XRN1: variants seen among roughly 807,000 people sequenced by gnomAD.
XRN1 encodes 5'-3' exoribonuclease 1, also known as strand-exchange protein 1 homolog.
Under a neutral mutation model 222.3 loss-of-function variants are expected in XRN1, and 67 were observed. The observed-to-expected ratio is 0.30, with a 90% CI of 0.25 to 0.37. XRN1 has a LOEUF of 0.37. XRN1 is among the 10% of genes least tolerant of loss of function. XRN1 has a pLI of 1.00. For synonymous variants in XRN1, 643 were observed against 652.4 expected (o/e 0.99, Z 0.22); for missense variants, 1,707 against 2,000.2 (o/e 0.85, Z 2.80).
At chr3:142,446,551 C>T (rs2070511106) in intron 1 of XRN1, among the ~76,000 whole-genome samples, 1 of 152,102 alleles carries the variant, frequency 6.6e-6, no homozygotes, top group African/African-American at 2.4e-5. Flanking sequence ...CCACAGACTA[C>T]AGAATAAAAA....
chr3:142,360,119 T>C (rs1024695804), intron 29 of XRN1, among the ~76,000 whole-genome samples, 188 bp from the exon 30 acceptor site: 3 of 152,166 alleles, frequency 2.0e-5, no homozygotes, highest in Non-Finnish European at 2.9e-5. Context: ...AGAATACCAG[T>C]GCCTTAGAGG....
chr3:142,349,195 C>T (rs1577265667), intron 32 of XRN1, among the ~76,000 whole-genome samples: 1 of 152,266 alleles, frequency 6.6e-6, no homozygotes, highest in East Asian at 1.9e-4. Context: ...CTCCAGTGAC[C>T]TACCTGCGTT....
At chr3:142,355,216 A>G (rs2066429414) in intron 32 of XRN1, 185 bp downstream of exon 32, 1 of 339,282 alleles carries the variant, frequency 2.9e-6, no homozygotes, top group Non-Finnish European at 5.3e-6. Context: ...CTGTACATGT[A>G]TCTCCTGAAC....
At chr3:142,408,775 G>A (rs1431695210) in intron 15 of XRN1, among the ~76,000 whole-genome samples, 1 of 152,190 alleles carries the variant, frequency 6.6e-6, no homozygotes. Context: ...CTGCCAGATA[G>A]ATATGAAAAG....
In XRN1 at chr3:142,307,803, A is replaced by G. The variant is rs2064998920; in HGVS notation, c.*3708T>C. 6.6e-6 allele frequency: 1 copy of G among 152,226 alleles called. No individual in the cohort carries two copies. 9.4% of individuals were successfully genotyped at this position (152,226 alleles called of 1,614,324 possible). A position where few individuals can be genotyped will look rare whatever the true frequency, so the allele number is the denominator to read the frequency against. Reference sequence around the variant, plus strand: ...GATGGTTTCACTGACAAAGCTTACAAAATGTATATACTGAGCACTGCCAGT... The same window carrying G: ...GATGGTTTCACTGACAAAGCTTACAGAATGTATATACTGAGCACTGCCAGT... On this transcript the variant is annotated 3_prime_UTR_variant, in exon 41 of 41. Coordinates refer to ENST00000392981, the MANE Select transcript of XRN1 (RefSeq NM_001282857.2).
chr3:142,414,453 G>T, intron 13 of XRN1, 162 bp from the exon 14 acceptor site: 1 of 496,158 alleles, frequency 2.0e-6, no homozygotes, highest in Non-Finnish European at 3.1e-6. Flanking sequence ...AGCAGTGTTG[G>T]AAAATTTAGG....
chr3:142,390,977 CACA>C (rs1001543287), intron 20 of XRN1, among the ~76,000 whole-genome samples: 2 of 152,170 alleles, frequency 1.3e-5, no homozygotes, highest in Admixed American at 6.5e-5. Context: ...TCAGCACACA[CACA>C]ACATTTATTG....
chr3:142,385,863 G>A (rs62276413), intron 20 of XRN1, among the ~76,000 whole-genome samples: 11,285 of 151,708 alleles, frequency 0.074, 614 homozygotes, highest in Middle Eastern at 0.19. Flanking sequence ...TAGTATGCCC[G>A]TATTACTACT....
intron 32 of XRN1, among the ~76,000 whole-genome samples, chr3:142,350,652 G>A (rs2066278376): frequency 6.6e-6 from 1 of 152,010 alleles, no homozygotes. Flanking sequence ...GGTGAGAGTT[G>A]GTATGAATTT....
chr3:142,442,373 T>C (rs553112444), intron 1 of XRN1, among the ~76,000 whole-genome samples: 27 of 152,188 alleles, frequency 1.8e-4, no homozygotes, highest in African/African-American at 6.5e-4. Context: ...GGCAGGACCC[T>C]CCATTAGAAA....
intron 33 of XRN1, among the ~76,000 whole-genome samples, chr3:142,346,432 G>A (rs544622283): frequency 1.3e-5 from 2 of 151,742 alleles, no homozygotes; most frequent in African/African-American, 4.8e-5. Flanking sequence ...ATTGTTTAGG[G>A]GAATAATAAG....
Position 142,332,851 on chromosome 3 carries a change from A to G in XRN1, c.4062+116T>C. 2.1e-6 allele frequency: 3 copies of G among 1,433,992 alleles called. No individual in the cohort carries two copies. The South Asian group carries it at 4.6e-5, about 22-fold the overall frequency. 88.8% of individuals were successfully genotyped at this position (1,433,992 alleles called of 1,614,324 possible). On this transcript the variant is annotated intron_variant, in intron 35 of 40. Transcript: ENST00000392981. ...CTGGTTTCCTCACAAGATGACAATAATGATGTAACATACCAGCCTCCATGA... is the reference window on the plus strand; with the variant it reads ...CTGGTTTCCTCACAAGATGACAATAGTGATGTAACATACCAGCCTCCATGA...
intron 32 of XRN1, among the ~76,000 whole-genome samples, chr3:142,351,353 A>G (rs1456319787): frequency 6.6e-6 from 1 of 152,220 alleles, no homozygotes; most frequent in African/African-American, 2.4e-5. Context: ...ATGGATGACA[A>G]GGAGAACTGA....
At chr3:142,351,124 T>C (rs2066292691) in intron 32 of XRN1, among the ~76,000 whole-genome samples, 1 of 152,156 alleles carries the variant, frequency 6.6e-6, no homozygotes, top group African/African-American at 2.4e-5. Context: ...TCTATAATTA[T>C]CTATCTATGT....
At chr3:142,435,432 A>T (rs1168952971) in intron 1 of XRN1, 1 of 151,196 alleles carries the variant, frequency 6.6e-6, no homozygotes, top group Non-Finnish European at 1.5e-5. Flanking sequence ...TCTCTAACAC[A>T]TAAAAAATAC....
At chr3:142,318,716 A>G (rs1300042212) in intron 38 of XRN1, 22 bp from the exon 39 acceptor site, 1 of 1,610,338 alleles carries the variant, frequency 6.2e-7, no homozygotes, top group Admixed American at 1.7e-5. Flanking sequence ...TTTAAAAGTT[A>G]CAAGACAATG....
chr3:142,415,703 T>C (rs2068757956), intron 13 of XRN1, among the ~76,000 whole-genome samples: 1 of 152,220 alleles, frequency 6.6e-6, no homozygotes, highest in Admixed American at 6.5e-5. Context: ...AGGCTTTATG[T>C]AGTAAGTGAA....
At chr3:142,342,161 C>T (rs892504434) in intron 33 of XRN1, among the ~76,000 whole-genome samples, 16 of 152,052 alleles carry the variant, frequency 1.1e-4, no homozygotes, top group African/African-American at 3.9e-4. Context: ...ATGTTAACGG[C>T]AAACAATCTG....
At chr3:142,397,911 AC>A (rs1199561645) in intron 19 of XRN1, among the ~76,000 whole-genome samples, 1 of 152,236 alleles carries the variant, frequency 6.6e-6, no homozygotes, top group Non-Finnish European at 1.5e-5. Context: ...TCAAAATATC[AC>A]ATGTATTCTA....
Sources: gnomAD v4.1 joint callset for allele counts (sites outside exome capture counted in the v4.1 genomes callset) on GRCh38, gnomAD v4.1.1 for gene constraint, MANE v1.5 for transcripts, NCBI Gene and HGNC (gene_info 2026-07-23, HGNC 2026-07-21) for gene names.